CEP295: variants seen among roughly 807,000 people sequenced by gnomAD.
The protein encoded by CEP295 is centrosomal protein of 295 kDa.
Under a neutral mutation model 291.6 loss-of-function variants are expected in CEP295, and 190 were observed. That is an observed-to-expected ratio of 0.65 (90% confidence interval 0.58 to 0.73). CEP295 has a LOEUF of 0.73. Among genes scored for constraint, CEP295 ranks in the 30% least tolerant of loss-of-function variants. CEP295 has a pLI of 0.00. For synonymous variants in CEP295, 993 were observed against 1,038.8 expected, an observed-to-expected ratio of 0.96 and a Z score of 0.85; for missense variants, 2,863 against 2,949.4, an observed-to-expected ratio of 0.97 and a Z score of 0.68.
Position 93,726,966 on chromosome 11 carries a change from C to A in CEP295, c.6500-10C>A. On this transcript the variant is annotated splice_polypyrimidine_tract_variant and intron_variant, in intron 23 of 29. Transcript: ENST00000325212. ...CGATGATTAACTGATTTTTGAATTTCTTAATGCAGGATCTGAACAATGTTT... is the reference window on the plus strand; with the variant it reads ...CGATGATTAACTGATTTTTGAATTTATTAATGCAGGATCTGAACAATGTTT... 6.8e-7 allele frequency: 1 copy of A among 1,481,414 alleles called. No individual in the cohort carries two copies. The allele number at this position is 1,481,414 out of a possible 1,614,324, so 91.8% of individuals were successfully genotyped here.
chr11:93,721,665 GGT>G (rs59894789), intron 19 of CEP295: 80,012 of 601,244 alleles, frequency 0.13, 2,731 homozygotes, highest in African/African-American at 0.28. Context: ...GCATATGTCT[GGT>G]GTGTGTGTGT....
intron 17 of CEP295, among the ~76,000 whole-genome samples, chr11:93,706,394 T>C (rs116761918): frequency 0.019 from 2,897 of 152,278 alleles, 97 homozygotes; most frequent in African/African-American, 0.067. Context: ...TCATCCCCTG[T>C]CTTCTAAACC....
At position 93,697,314 on chromosome 11, in the gene CEP295, A is replaced by T; in HGVS notation, c.2402A>T (p.Lys801Ile). 1.9e-6 allele frequency: 3 copies of T among 1,551,748 alleles called. No individual in the cohort carries two copies. Among genetic ancestry groups the T allele is most frequent in the African/African-American group, 1.4e-5 (1 of 73,168 alleles). Reference protein sequence around the residue: ...PQHSFSSLPVKVESGKIQEPF... With the variant: ...PQHSFSSLPVIVESGKIQEPF... ...CATTCTTTTAGTTCTCTGCCTGTTAAAGTTGAGTCAGGAAAAATTCAAGAA... is the reference window on the plus strand; with the variant it reads ...CATTCTTTTAGTTCTCTGCCTGTTATAGTTGAGTCAGGAAAAATTCAAGAA... Residue 801 changes from lysine to isoleucine, a missense_variant, in exon 15 of 30, where the codon AAA becomes ATA. This residue lies in a region of CEP295 where 2,295 missense variants were observed against 2,335.7 expected (regional missense o/e 0.98). Coordinates refer to ENST00000325212, the MANE Select transcript of CEP295 (RefSeq NM_033395.2).
At chr11:93,693,791 T>A (rs185078123) in intron 12 of CEP295, among the ~76,000 whole-genome samples, 130 of 152,314 alleles carry the variant, frequency 8.5e-4, no homozygotes, top group Admixed American at 5.2e-3. Flanking sequence ...AAATTTCTCA[T>A]CAATAGTCTA....
Position 93,729,504 on chromosome 11 carries a change from T to C in CEP295, c.7373T>C (p.Ile2458Thr), listed in dbSNP as rs1044540392. 8 of 1,551,854 alleles carry C rather than the reference T, an allele frequency of 5.2e-6. No homozygotes were observed. Among genetic ancestry groups the C allele is most frequent in the African/African-American group, 4.1e-5 (3 of 73,154 alleles). ...TATCCAGCTGTATCAGAACTTTCCA[T>C]AGAAAAACCAAGGACAGCATCTACA... ...SDYPAVSELS[I>T]EKPRTASTET... is the part of the protein sequence containing the mutation. The change falls in exon 26 of 30, where the codon ATA (isoleucine) becomes ACA (threonine). Residue 2458 changes from isoleucine to threonine, a missense_variant. Coordinates refer to ENST00000325212, the MANE Select transcript of CEP295 (RefSeq NM_033395.2).
chr11:93,722,043 A>G lies in CEP295; in HGVS notation c.5940A>G (p.Thr1980=), dbSNP rs1953771241. 1.3e-6 allele frequency: 2 copies of G among 1,540,616 alleles called. No homozygotes were observed. Among genetic ancestry groups the G allele is most frequent in the African/African-American group, 2.7e-5 (2 of 72,824 alleles). ...LSYENTDLSL[T]DPESFSEHMD... The stretch of plus-strand genomic sequence containing the variant: ...ATGAAAACACAGATTTGAGCCTTAC[A>G]GATCCAGGTAATAAGGTCAAAATGT... The change falls in exon 20 of 30, where the codon ACA becomes ACG. Residue 1980 remains threonine (T), a synonymous_variant. Coordinates refer to ENST00000325212, the MANE Select transcript of CEP295 (RefSeq NM_033395.2).
intron 1 of CEP295, among the ~76,000 whole-genome samples, chr11:93,663,114 A>G (rs946177622): frequency 6.6e-6 from 1 of 152,232 alleles, no homozygotes; most frequent in African/African-American, 2.4e-5. Context: ...ATGAGAATGT[A>G]ACTCACATAT....
chr11:93,729,145 T>C (rs1937928376), intron 25 of CEP295: 1 of 498,566 alleles, frequency 2.0e-6, no homozygotes, highest in African/African-American at 1.9e-5. Flanking sequence ...AACTGGTAAT[T>C]TTACTAGGGG....
intron 6 of CEP295, among the ~76,000 whole-genome samples, chr11:93,678,325 T>A (rs1045293742): frequency 1.3e-5 from 2 of 152,184 alleles, no homozygotes; most frequent in African/African-American, 4.8e-5. Flanking sequence ...AATCTAACTT[T>A]TTTTGTCTTA....
chr11:93,696,594 G>A, intron 14 of CEP295, 88 bp from the exon 15 acceptor site: 2 of 1,254,454 alleles, frequency 1.6e-6, no homozygotes, highest in Non-Finnish European at 1.1e-6. Context: ...GCCAACCCTA[G>A]ATTGCTGTTT....
intron 25 of CEP295, chr11:93,729,023 T>G: frequency 1.9e-6 from 1 of 538,434 alleles, no homozygotes; most frequent in Non-Finnish European, 3.2e-6. Context: ...CCACTCCAAT[T>G]TATGCCTGTC....
Position 93,667,704 on chromosome 11 carries a change from C to T in CEP295, c.206C>T (p.Ala69Val). 1 of 1,551,216 alleles carries T rather than the reference C, an allele frequency of 6.4e-7. No individual in the cohort carries two copies. Among genetic ancestry groups the T allele is most frequent in the Non-Finnish European group, 8.7e-7 (1 of 1,146,698 alleles). Reference sequence around the variant, plus strand: ...ACACGTTTGGCAGAGGAGCTAAGGGCAGAATGGGAAGAATCACAAACTCAG... The same window carrying T: ...ACACGTTTGGCAGAGGAGCTAAGGGTAGAATGGGAAGAATCACAAACTCAG... ...QFTRLAEELR[A>V]EWEESQTQKI... Residue 69 changes from alanine (A) to valine (V), a missense_variant, in exon 3 of 30, where the codon GCA becomes GTA. This residue lies in a region of CEP295 where 554 missense variants were observed against 576.0 expected (regional missense o/e 0.96). Transcript: ENST00000325212.
chr11:93,699,079 C>G lies in CEP295; in HGVS notation c.4167C>G (p.Pro1389=). 4 of 1,546,702 alleles carry G rather than the reference C, an allele frequency of 2.6e-6. No individual in the cohort carries two copies. The highest frequency in any genetic ancestry group is 3.5e-6 in the Non-Finnish European group (4 of 1,147,072). The change falls in exon 15 of 30, where the codon CCC becomes CCG. Residue 1389 remains proline, a synonymous_variant. Transcript: ENST00000325212. ...HQSEWEGRIS[P]EQVDTSSLPL... Reference sequence around the variant, plus strand: ...GTGAATGGGAGGGAAGAATATCTCCCGAGCAGGTTGACACCTCTTCCTTAC... The same window carrying G: ...GTGAATGGGAGGGAAGAATATCTCCGGAGCAGGTTGACACCTCTTCCTTAC...
chr11:93,665,318 T>C (rs990600840), intron 1 of CEP295, among the ~76,000 whole-genome samples: 1 of 152,264 alleles, frequency 6.6e-6, no homozygotes, highest in Non-Finnish European at 1.5e-5. Context: ...TAGATTCTTA[T>C]ATTTATTCCA....
At position 93,698,530 on chromosome 11, in the gene CEP295, A is replaced by G; in HGVS notation, c.3618A>G (p.Ser1206=). 1 of 1,552,160 alleles carries G rather than the reference A, an allele frequency of 6.4e-7. No individual in the cohort carries two copies. Among genetic ancestry groups the G allele is most frequent in the East Asian group, 2.4e-5 (1 of 40,922 alleles). ...RISSEQTGTS[S]SLSQVDESER... The stretch of plus-strand genomic sequence containing the variant: ...CTTCTGAACAGACTGGCACCTCCTC[A>G]TCCCTTTCCCAGGTGGATGAATCTG... Residue 1206 remains serine, a synonymous_variant, in exon 15 of 30, where the codon TCA becomes TCG. Coordinates refer to ENST00000325212, the MANE Select transcript of CEP295 (RefSeq NM_033395.2).
At chr11:93,710,105 T>G (rs1410084134) in intron 18 of CEP295, among the ~76,000 whole-genome samples, 1 of 152,206 alleles carries the variant, frequency 6.6e-6, no homozygotes, top group Non-Finnish European at 1.5e-5. Context: ...CTTTCCAACT[T>G]GGATGCTCTT....
chr11:93,699,275 A>G lies in CEP295; in HGVS notation c.4363A>G (p.Asn1455Asp), dbSNP rs1436762534. The change falls in exon 15 of 30, where the codon AAT becomes GAT. Residue 1455 changes from asparagine to aspartate, a missense_variant. By Grantham distance (23) the Asn-to-Asp change is conservative. This residue lies in a region of CEP295 where 2,295 missense variants were observed against 2,335.7 expected (regional missense o/e 0.98). Coordinates refer to ENST00000325212, the MANE Select transcript of CEP295 (RefSeq NM_033395.2). The part of the protein sequence containing the change: ...LSHLVLPQQD[N>D]LIALEEHLHA... ...ACATCTTGTTTTACCTCAACAAGAT[A>G]ATTTGATTGCACTTGAAGAACACTT... 1.3e-6 allele frequency: 2 copies of G among 1,551,684 alleles called. No individual in the cohort carries two copies. Among genetic ancestry groups the G allele is most frequent in the Non-Finnish European group, 1.7e-6 (2 of 1,146,864 alleles).
chr11:93,692,186 T>C (rs1951593575), intron 12 of CEP295, among the ~76,000 whole-genome samples, 156 bp downstream of exon 12: 1 of 152,256 alleles, frequency 6.6e-6, no homozygotes, highest in Non-Finnish European at 1.5e-5. Flanking sequence ...AAATGCGTGT[T>C]GTCTTTGCCC....
chr11:93,669,538 CTT>C lies in CEP295; in HGVS notation c.435-137_435-136del, dbSNP rs1950337482. ...CATTTTCTTAACATATGTATAGACT[CTT>C]TACACATGTAAAGCTTACTGAGCCT... On this transcript the variant is annotated intron_variant, in intron 4 of 29. Coordinates refer to ENST00000325212, the MANE Select transcript of CEP295 (RefSeq NM_033395.2). 7 of 544,632 alleles carry C rather than the reference CTT, an allele frequency of 1.3e-5. No individual in the cohort carries two copies. The East Asian group carries it at 1.8e-4, about 14-fold the overall frequency. 33.7% of individuals were successfully genotyped at this position (544,632 alleles called of 1,614,324 possible).
Sources: gnomAD v4.1 joint callset for allele counts (sites outside exome capture counted in the v4.1 genomes callset) on GRCh38, gnomAD v4.1.1 for gene constraint, gnomAD v4.1.1 regional missense constraint, MANE v1.5 for transcripts, NCBI Gene and HGNC (gene_info 2026-07-23, HGNC 2026-07-21) for gene names.